Variants in TCTN1 observed in about 807,000 individuals in gnomAD.
TCTN1 encodes the protein tectonic family member 1, also known as tectonic-1.
TCTN1 carries 58 observed loss-of-function variants against 65.8 expected under a neutral mutation model. The ratio of observed to expected loss-of-function variants is 0.88; its 90% CI spans 0.71 to 1.10. The LOEUF (loss-of-function observed/expected upper bound fraction) is 1.10. Ranked by LOEUF, TCTN1 falls within the 50% of genes least tolerant of loss-of-function variation. The pLI, the probability that TCTN1 is intolerant of heterozygous loss-of-function variation, is 0.00. For missense variants in TCTN1, 645 were observed against 719.4 expected (o/e 0.90, Z 1.18); for synonymous variants, 273 against 289.1 (o/e 0.94, Z 0.57).
chr12:110,645,564 CTG>C (rs2067243743), intron 12 of TCTN1: 1 of 242,964 alleles, frequency 4.1e-6, no homozygotes, highest in Non-Finnish European at 8.2e-6. Context: ...GTATCAAAGA[CTG>C]AGACTGACTT....
intron 12 of TCTN1, chr12:110,646,839 C>T: frequency 7.5e-6 from 2 of 268,084 alleles, no homozygotes; most frequent in Non-Finnish European, 1.4e-5. Context: ...ATCCCTCCCA[C>T]CAGTTTCTTT....
At chr12:110,647,943 T>A in intron 14 of TCTN1, 50 bp downstream of exon 14, 2 of 1,609,970 alleles carry the variant, frequency 1.2e-6, no homozygotes, top group Non-Finnish European at 1.7e-6. Context: ...CTTTGGAAAG[T>A]GTGCACGTGG....
At chr12:110,618,899 G>C (rs2065230595) in intron 1 of TCTN1, among the ~76,000 whole-genome samples, 1 of 151,902 alleles carries the variant, frequency 6.6e-6, no homozygotes, top group Admixed American at 6.6e-5. Flanking sequence ...GACCAGGAGT[G>C]GTGGCTCACA....
At chr12:110,628,121 C>T (rs1173741133) in intron 3 of TCTN1, 1 of 1,536,034 alleles carries the variant, frequency 6.5e-7, no homozygotes, top group Non-Finnish European at 8.7e-7. Context: ...TTCCCATAGC[C>T]ATCCGGAGAG....
intron 3 of TCTN1, chr12:110,627,793 C>T: frequency 1.9e-6 from 1 of 534,690 alleles, no homozygotes; most frequent in South Asian, 3.0e-5. Flanking sequence ...TGTCTAGATC[C>T]AAAGTACATG....
In TCTN1 at chr12:110,634,442, C is replaced by T. The variant is rs763477612; in HGVS notation, c.713-228C>T. 4.9e-5 allele frequency: 28 copies of T among 570,962 alleles called. No individual in the cohort carries two copies. The highest frequency in any genetic ancestry group is 4.0e-4 in the East Asian group (10 of 25,144). 35.4% of individuals were successfully genotyped at this position (570,962 alleles called of 1,614,324 possible). The stretch of plus-strand genomic sequence containing the variant: ...CTGTAATCCCAGCACTCTGGGAGGC[C>T]GAGGCGAGAGGATCACTTGAGGTGA... On this transcript the variant is annotated intron_variant, in intron 5 of 14. Transcript: ENST00000397659.
At chr12:110,619,587 G>A (rs1391598437) in intron 1 of TCTN1, among the ~76,000 whole-genome samples, 3 of 152,170 alleles carry the variant, frequency 2.0e-5, no homozygotes, top group African/African-American at 4.8e-5. Flanking sequence ...TACGAAATCA[G>A]CATCTCTGTA....
rs180890783 is a variant in TCTN1 at position 110,640,197 on chromosome 12, T to C, written c.844-186T>C. On this transcript the variant is annotated intron_variant, in intron 7 of 14. Transcript: ENST00000397659. The surrounding 1 kb of genome is among the most constrained non-coding windows in gnomAD (Gnocchi z 4.9). ...GTTTTGGTTATATCCTCTCAAGTAT[T>C]TTCTTTGTGAATGTATATATGTTTA... Among the ~76,000 whole-genome samples the C allele has an allele frequency of 6.6e-6, 1 of 152,354 alleles. No homozygotes were observed. The highest frequency in any genetic ancestry group is 6.5e-5 in the Admixed American group (1 of 15,302).
chr12:110,647,000 C>T, intron 12 of TCTN1, 196 bp from the exon 13 acceptor site: 2 of 635,604 alleles, frequency 3.1e-6, no homozygotes, highest in South Asian at 3.9e-5. Flanking sequence ...TACGCTTCAG[C>T]TGTTAAAAAT....
intron 1 of TCTN1, among the ~76,000 whole-genome samples, chr12:110,619,180 A>AAAAT (rs144515591): frequency 1.3e-5 from 2 of 151,798 alleles, no homozygotes; most frequent in Non-Finnish European, 2.9e-5. Context: ...ACTCCTTTAA[A>AAAAT]AAATAAATAA....
rs748868810 is a variant in TCTN1, at chr12:110,641,038, C to T, written c.993C>T (p.Leu331=). ...TTTGTTTTTAGGTAAAGTACAGCCT[C>T]ACATACACAGATGCAGGTGAAGTCA... ...VNVVLEVKYS[L]TYTDAGEVTK... is the part of the protein sequence containing the mutation. The change falls in exon 9 of 15, where the codon CTC becomes CTT. Residue 331 remains leucine, a synonymous_variant. Coordinates refer to ENST00000397659, the MANE Select transcript of TCTN1 (RefSeq NM_001082538.3). 3 of 1,614,236 alleles carry T rather than the reference C, an allele frequency of 1.9e-6. No homozygotes were observed. The highest frequency in any genetic ancestry group is 8.5e-7 in the Non-Finnish European group (1 of 1,180,042).
chr12:110,615,949 G>T (rs2065005873), intron 1 of TCTN1, among the ~76,000 whole-genome samples: 1 of 152,164 alleles, frequency 6.6e-6, no homozygotes, highest in South Asian at 2.1e-4. Context: ...GAAAGAAAAA[G>T]TACAGAGAAA....
rs797046038 is a variant in TCTN1 at position 110,632,544 on chromosome 12, GATA to G, written c.702_704del (p.Asn235del). ...GTCCCTGACATCATCTCTGTGCACTGATAATAACCCTGCAGGTAAGAAAGTGGT... is the reference window on the plus strand; with the variant it reads ...GTCCCTGACATCATCTCTGTGCACTGATAACCCTGCAGGTAAGAAAGTGGT... On this transcript the variant is annotated inframe_deletion, in exon 5 of 15. Transcript: ENST00000397659. The G allele has an allele frequency of 3.0e-3, 4,836 of 1,613,986 alleles. 8 individuals are homozygous for G. Among genetic ancestry groups the G allele is most frequent in the Non-Finnish European group, 3.9e-3 (4,649 of 1,179,910 alleles).
At chr12:110,641,815 C>T (rs2066974554) in intron 10 of TCTN1, 188 bp downstream of exon 10, 3 of 607,576 alleles carry the variant, frequency 4.9e-6, no homozygotes, top group Non-Finnish European at 8.6e-6. Flanking sequence ...TGGGGGGAGA[C>T]TGGCAGTTGG....
At chr12:110,631,404 C>A (rs929833981) in intron 4 of TCTN1, among the ~76,000 whole-genome samples, 1 of 151,656 alleles carries the variant, frequency 6.6e-6, no homozygotes, top group Admixed American at 6.6e-5. Context: ...GAGGCCGAGG[C>A]GGGCAAATCA....
At chr12:110,628,685 C>A in intron 3 of TCTN1, 82 bp from the exon 4 acceptor site, 1 of 1,290,050 alleles carries the variant, frequency 7.8e-7, no homozygotes, top group Non-Finnish European at 1.1e-6. Flanking sequence ...CTATTAAAAA[C>A]TTTCCAAAAC....
At chr12:110,641,717 C>A in intron 10 of TCTN1, 90 bp downstream of exon 10, 1 of 1,359,102 alleles carries the variant, frequency 7.4e-7, no homozygotes, top group Non-Finnish European at 1.0e-6. Context: ...CTCCCCTGGG[C>A]TGCTTGTGGG....
rs2066794443 is a variant in TCTN1 at position 110,639,300 on chromosome 12, G to GT, written c.844-1081dup. ...CCTTTAGAGGATGGCTTGATGCCTT[G>GT]TTACTCTGCTGGTGGTGGCCATGAA... On this transcript the variant is annotated intron_variant, in intron 7 of 14. Transcript: ENST00000397659. This position sits in a 1 kb window ranked among gnomAD's most constrained non-coding sequence, Gnocchi z 4.9. Among the ~76,000 whole-genome samples the GT allele has an allele frequency of 6.6e-6, 1 of 152,220 alleles. No individual in the cohort carries two copies. The highest frequency in any genetic ancestry group is 2.1e-4 in the South Asian group (1 of 4,830).
rs191168383 is a variant in TCTN1 at position 110,641,233 on chromosome 12, T to C, written c.1104+84T>C. The C allele has an allele frequency of 2.5e-6, 4 of 1,576,606 alleles. No individual in the cohort carries two copies. In the Admixed American group the frequency reaches 5.2e-5, roughly 20 times the overall value. ...TTCTCAGTGGATAAAACTGAATTTCTAAGTATTACATCCAAGCCTTTGTAG... is the reference window on the plus strand; with the variant it reads ...TTCTCAGTGGATAAAACTGAATTTCCAAGTATTACATCCAAGCCTTTGTAG... On this transcript the variant is annotated intron_variant, in intron 9 of 14. Transcript: ENST00000397659.
Sources: gnomAD v4.1 joint callset for allele counts (sites outside exome capture counted in the v4.1 genomes callset) on GRCh38, gnomAD v4.1.1 for gene constraint, Gnocchi (gnomAD v3.1) non-coding constraint, MANE v1.5 for transcripts, NCBI Gene and HGNC (gene_info 2026-07-23, HGNC 2026-07-21) for gene names.